Variants in PTPA observed in about 807,000 individuals in gnomAD.
PTPA encodes serine/threonine-protein phosphatase 2A activator.
A neutral mutation model predicts 43.6 loss-of-function variants in PTPA; 13 were observed. The ratio of observed to expected loss-of-function variants is 0.30; its 90% CI spans 0.19 to 0.47. The LOEUF (loss-of-function observed/expected upper bound fraction) is 0.47, where lower values mean the gene tolerates loss of function less well. Ranked by LOEUF, PTPA falls within the 20% of genes least tolerant of loss-of-function variation. PTPA has a pLI of 0.99. For missense variants in PTPA, 329 were observed against 411.9 expected (o/e 0.80, Z 1.74); for synonymous variants, 172 against 158.2 (o/e 1.09, Z -0.66).
intron 9 of PTPA, among the ~76,000 whole-genome samples, chr9:129,146,237 TTCTGTGTCTCAGGCCCAGGATCCTG>T (rs2131637574): frequency 6.6e-6 from 1 of 152,272 alleles, no homozygotes; most frequent in African/African-American, 2.4e-5. Flanking sequence ...TGCTCCCGCA[TTCTGTGTCTCAGGCCCAGGATCCTG>T]GCTGTGGCCA....
At chr9:129,117,387 T>C (rs1210343031) in intron 1 of PTPA, among the ~76,000 whole-genome samples, 1 of 152,084 alleles carries the variant, frequency 6.6e-6, no homozygotes, top group Non-Finnish European at 1.5e-5. Context: ...ATTTTTATTA[T>C]GTGGGCCTAT....
intron 1 of PTPA, among the ~76,000 whole-genome samples, chr9:129,112,114 ATCC>A (rs1848554304): frequency 6.6e-6 from 1 of 152,070 alleles, no homozygotes; most frequent in Non-Finnish European, 1.5e-5. Flanking sequence ...CTCACCCCTC[ATCC>A]TCCTACTCTC....
At chr9:129,122,765 T>C (rs774309545) in intron 2 of PTPA, among the ~76,000 whole-genome samples, 33 of 152,220 alleles carry the variant, frequency 2.2e-4, no homozygotes, top group Non-Finnish European at 4.4e-5. Context: ...AGTGTCTACC[T>C]TATAGGGCTA....
chr9:129,112,015 G>A (rs1212318699), intron 1 of PTPA: 3 of 222,822 alleles, frequency 1.3e-5, no homozygotes, highest in Non-Finnish European at 2.6e-5. Context: ...TCCGGAGGCT[G>A]CCGTCTTTAT....
rs996987904 is a variant in PTPA, at chr9:129,147,611, G to A, written c.*147G>A. 2.3e-6 allele frequency: 2 copies of A among 866,250 alleles called. No homozygotes were observed. Among genetic ancestry groups the A allele is most frequent in the African/African-American group, 3.4e-5 (2 of 59,528 alleles). 53.7% of individuals were successfully genotyped at this position (866,250 alleles called of 1,614,324 possible). ...GGGTGGGGTGGCGAGATGGGCTTGA[G>A]GGGGCTCAGAGCATAAGGCTTCAGG... On this transcript the variant is annotated 3_prime_UTR_variant, in exon 10 of 10. Coordinates refer to ENST00000393370, the MANE Select transcript of PTPA (RefSeq NM_178000.3).
chr9:129,111,328 C>T (rs369640417), upstream of PTPA: 5 of 1,173,412 alleles, frequency 4.3e-6, no homozygotes, highest in Non-Finnish European at 4.2e-6. Context: ...ATGCGCCCCG[C>T]GCGCCCCGCA....
At chr9:129,136,366 C>T in intron 6 of PTPA, 105 bp from the exon 7 acceptor site, 1 of 1,264,902 alleles carries the variant, frequency 7.9e-7, no homozygotes, top group Non-Finnish European at 1.1e-6. Context: ...CCAGTTAACA[C>T]TCTTCAGTGG....
chr9:129,116,129 T>C (rs571909791), intron 1 of PTPA, among the ~76,000 whole-genome samples: 18 of 150,682 alleles, frequency 1.2e-4, no homozygotes, highest in Admixed American at 4.0e-4. Context: ...CAAGCGATTC[T>C]GCCTGCCTCA....
rs781027271 is a variant in PTPA, at chr9:129,147,421, A to C, written c.929A>C (p.Lys310Thr). 6.2e-7 allele frequency: 1 copy of C among 1,614,002 alleles called. No individual in the cohort carries two copies. The highest frequency in any genetic ancestry group is 1.7e-5 in the Admixed American group (1 of 60,010). Residue 310 changes from lysine to threonine, a missense_variant, in exon 10 of 10, where the codon AAG becomes ACG. Lys to Thr is a moderately conservative substitution (Grantham distance 78). Transcript: ENST00000393370. ...AAGTTCCCTGTGATCCAGCACTTCA[A>C]GTTCGGGAGCCTGCTGCCCATCCAT... is the stretch of plus-strand genomic sequence containing the variant. ...LEKFPVIQHF[K>T]FGSLLPIHPV...
chr9:129,127,980 A>C, intron 3 of PTPA: 1 of 1,338,626 alleles, frequency 7.5e-7, no homozygotes, highest in Non-Finnish European at 9.9e-7. Flanking sequence ...AATGAGGTTC[A>C]TGAGGAAAAG....
chr9:129,141,059 G>T (rs1172822315), intron 8 of PTPA, among the ~76,000 whole-genome samples: 1 of 152,112 alleles, frequency 6.6e-6, no homozygotes, highest in Admixed American at 6.5e-5. Context: ...GGAGGGAGGA[G>T]CCTGTTGTCC....
intron 3 of PTPA, among the ~76,000 whole-genome samples, chr9:129,126,971 T>G (rs952118859): frequency 6.6e-6 from 1 of 152,168 alleles, no homozygotes; most frequent in Non-Finnish European, 1.5e-5. Context: ...GGCTGACTAG[T>G]GCTTCCTGGG....
intron 9 of PTPA, among the ~76,000 whole-genome samples, chr9:129,145,993 T>C (rs1405328398): frequency 6.6e-6 from 1 of 151,788 alleles, no homozygotes; most frequent in Non-Finnish European, 1.5e-5. Flanking sequence ...TCTGGGGTCC[T>C]GTGGGCAGAA....
At chr9:129,123,995 A>G (rs1475111543) in intron 3 of PTPA, among the ~76,000 whole-genome samples, 1 of 76,590 alleles carries the variant, frequency 1.3e-5, no homozygotes, top group Non-Finnish European at 2.9e-5. Flanking sequence ...GTGTTTTTAT[A>G]TAACTTGAAA....
intron 3 of PTPA, among the ~76,000 whole-genome samples, chr9:129,125,266 T>C (rs931369277): frequency 6.7e-6 from 1 of 148,292 alleles, no homozygotes; most frequent in Admixed American, 6.7e-5. Context: ...GGTATTGTCT[T>C]TTTTTTTTTT....
chr9:129,134,296 CTTTTTTTTTTTTTTTTTTT>C lies in PTPA; in HGVS notation c.461-489_461-471del, dbSNP rs68089837. On this transcript the variant is annotated intron_variant, in intron 5 of 9. Coordinates refer to ENST00000393370, the MANE Select transcript of PTPA (RefSeq NM_178000.3). ...GAGTGGAATTATAGTACTGGTAGTT[CTTTTTTTTTTTTTTTTTTT>C]TTTTTTTTTGAGACAGTCTCACTTT... Among the ~76,000 whole-genome samples the C allele has an allele frequency of 0.026, 1,454 of 56,940 alleles. 80 individuals are homozygous for C. In the East Asian group the frequency reaches 0.27, roughly 10 times the overall value. The allele number at this position is 56,940 out of a possible 152,430, so 37.4% of individuals were successfully genotyped here.
intron 9 of PTPA, among the ~76,000 whole-genome samples, chr9:129,145,504 G>T (rs939240531): frequency 6.6e-6 from 1 of 152,194 alleles, no homozygotes; most frequent in Non-Finnish European, 1.5e-5. Context: ...CCCCTAAGGA[G>T]GCCCTCCAAG....
chr9:129,119,787 G>C lies in PTPA; in HGVS notation c.32-726G>C, dbSNP rs368401744. 4 of 152,236 alleles carry C rather than the reference G, an allele frequency of 2.6e-5. No homozygotes were observed. In the East Asian group the frequency reaches 5.8e-4, roughly 22 times the overall value. 9.4% of individuals were successfully genotyped at this position (152,236 alleles called of 1,614,324 possible). A position where few individuals can be genotyped will look rare whatever the true frequency, so the allele number is the denominator to read the frequency against. On this transcript the variant is annotated intron_variant, in intron 1 of 9. Transcript: ENST00000393370. ...TTATTTTTCTAACGGTTCTGCTCTG[G>C]GGGGGAGAGGGAAGGGAGGGCATGG... is the stretch of plus-strand genomic sequence containing the variant.
At chr9:129,134,668 C>T (rs552466023) in intron 5 of PTPA, 127 bp from the exon 6 acceptor site, 38 of 680,036 alleles carry the variant, frequency 5.6e-5, no homozygotes, top group Non-Finnish European at 9.0e-5. Flanking sequence ...GGGAAGAGGT[C>T]TCATTGTCTC....
Sources: allele counts gnomAD v4.1 joint callset (sites outside exome capture counted in the v4.1 genomes callset), GRCh38; gene constraint gnomAD v4.1.1; transcripts MANE v1.5; gene names NCBI Gene and HGNC (gene_info 2026-07-23, HGNC 2026-07-21).